The following FAM120B variants were observed in gnomAD, a reference collection of about 807,000 sequenced individuals.
FAM120B encodes constitutive coactivator of peroxisome proliferator-activated receptor gamma.
FAM120B carries 83 observed loss-of-function variants against 96.3 expected under a neutral mutation model. That is an observed-to-expected ratio of 0.86 (90% CI 0.72 to 1.03). The LOEUF is 1.03. Among genes scored for constraint, FAM120B ranks in the 50% least tolerant of loss-of-function variants. FAM120B has a pLI of 0.00. For missense variants in FAM120B, 1,027 were observed against 1,121.2 expected, an observed-to-expected ratio of 0.92 and a Z score of 1.20; for synonymous variants, 407 against 402.7, an observed-to-expected ratio of 1.01 and a Z score of -0.13.
At chr6:170,347,957 T>G (rs1787302488) in intron 4 of FAM120B, among the ~76,000 whole-genome samples, 194 bp from the exon 5 acceptor site, 2 of 152,208 alleles carry the variant, frequency 1.3e-5, no homozygotes, top group South Asian at 4.1e-4. Context: ...ATGTTTTCAT[T>G]GAAACGTACG....
intron 4 of FAM120B, among the ~76,000 whole-genome samples, chr6:170,342,133 C>G (rs1786880174): frequency 6.6e-6 from 1 of 152,106 alleles, no homozygotes; most frequent in African/African-American, 2.4e-5. Flanking sequence ...GAGGCCAAGC[C>G]CGTGTCTCCA....
At chr6:170,393,194 G>A (rs934011057) in intron 8 of FAM120B, among the ~76,000 whole-genome samples, 48 of 151,056 alleles carry the variant, frequency 3.2e-4, no homozygotes, top group African/African-American at 1.1e-3. Flanking sequence ...AGTCCTGCAG[G>A]GTTCCCTCTC....
chr6:170,329,776 C>T (rs1315038077), intron 3 of FAM120B, among the ~76,000 whole-genome samples: 1 of 152,050 alleles, frequency 6.6e-6, no homozygotes, highest in Non-Finnish European at 1.5e-5. Context: ...AAGGGGACAT[C>T]TCTCCACTTC....
At chr6:170,321,489 T>C (rs9356640) in intron 2 of FAM120B, among the ~76,000 whole-genome samples, 20,116 of 152,206 alleles carry the variant, frequency 0.13, 1,480 homozygotes, top group East Asian at 0.31. Flanking sequence ...GCAATTCTCC[T>C]GCCTCAGCCT....
intron 5 of FAM120B, among the ~76,000 whole-genome samples, chr6:170,356,989 C>T (rs1384968725): frequency 6.6e-6 from 1 of 152,190 alleles, no homozygotes; most frequent in Non-Finnish European, 1.5e-5. Flanking sequence ...TCAGCACCCC[C>T]ACCCTGGTGG....
intron 9 of FAM120B, among the ~76,000 whole-genome samples, chr6:170,400,570 C>G (rs2115344533): frequency 6.6e-6 from 1 of 152,284 alleles, no homozygotes; most frequent in Non-Finnish European, 1.5e-5. Context: ...TGCTCCCTGG[C>G]TTCTGATCAG....
chr6:170,385,025 A>G (rs1790112689), intron 6 of FAM120B, among the ~76,000 whole-genome samples: 1 of 152,214 alleles, frequency 6.6e-6, no homozygotes, highest in African/African-American at 2.4e-5. Flanking sequence ...TCCTGCACCC[A>G]AAAGCTATAG....
At chr6:170,355,852 A>G (rs192972542) in intron 5 of FAM120B, among the ~76,000 whole-genome samples, 32 of 152,372 alleles carry the variant, frequency 2.1e-4, no homozygotes, top group African/African-American at 6.0e-4. Flanking sequence ...ACGTTGAGTC[A>G]TAGTGGGACT....
At chr6:170,348,965 A>G (rs1230937511) in intron 5 of FAM120B, among the ~76,000 whole-genome samples, 1 of 152,218 alleles carries the variant, frequency 6.6e-6, no homozygotes, top group East Asian at 1.9e-4. Flanking sequence ...TCACTCGACA[A>G]GGTGGACTGT....
At chr6:170,340,964 T>G (rs1316643547) in intron 4 of FAM120B, among the ~76,000 whole-genome samples, 2 of 152,228 alleles carry the variant, frequency 1.3e-5, no homozygotes, top group Non-Finnish European at 2.9e-5. Flanking sequence ...GGCACGGGGA[T>G]GAGGGACCCA....
intron 6 of FAM120B, among the ~76,000 whole-genome samples, chr6:170,378,075 G>C (rs1244390732): frequency 6.6e-6 from 1 of 152,192 alleles, no homozygotes; most frequent in Non-Finnish European, 1.5e-5. Context: ...TCTTGGTTTA[G>C]AGTTTATATT....
rs1308340138 is a variant in FAM120B at position 170,316,052 on chromosome 6, C to T, written c.-21-1318C>T. 4.9e-5 allele frequency among the ~76,000 whole-genome samples: 4 copies of T among 82,072 alleles called. No homozygotes were observed. The Admixed American group carries it at 7.6e-4, about 16-fold the overall frequency. 53.8% of individuals were successfully genotyped at this position (82,072 alleles called of 152,430 possible). A position where few individuals can be genotyped will look rare whatever the true frequency, so the allele number is the denominator to read the frequency against. ...CCAGACGAGGCAACAGAGTGAGACC[C>T]GGTCTCAAAAAAAAAAAAAAAAAAA... On this transcript the variant is annotated intron_variant, in intron 1 of 10. Coordinates refer to ENST00000476287, the MANE Select transcript of FAM120B (RefSeq NM_032448.3).
chr6:170,300,351 G>C (rs1257937390), intron 1 of FAM120B, among the ~76,000 whole-genome samples: 1 of 152,144 alleles, frequency 6.6e-6, no homozygotes, highest in Non-Finnish European at 1.5e-5. Context: ...AACAGCATGA[G>C]GGTATCTGCC....
chr6:170,381,153 T>G lies in FAM120B; in HGVS notation c.2284-7134T>G, dbSNP rs149325709. 8.5e-5 allele frequency among the ~76,000 whole-genome samples: 13 copies of G among 152,314 alleles called. No individual in the cohort carries two copies. The East Asian group carries it at 2.1e-3, about 25-fold the overall frequency. ...ATTAGGAACCACTTATGCTCTGATG[T>G]GTTTGCCTGTCAAGAAGTAAGAAAA... is the stretch of plus-strand genomic sequence containing the variant. On this transcript the variant is annotated intron_variant, in intron 6 of 10. Transcript: ENST00000476287.
chr6:170,378,597 G>A (rs1244557845), intron 6 of FAM120B, among the ~76,000 whole-genome samples: 1 of 151,654 alleles, frequency 6.6e-6, no homozygotes, highest in African/African-American at 2.4e-5. Flanking sequence ...CTGCAGCCTA[G>A]AGGGGGAAGA....
intron 6 of FAM120B, among the ~76,000 whole-genome samples, chr6:170,379,489 C>T (rs908150164): frequency 6.6e-6 from 1 of 152,184 alleles, no homozygotes; most frequent in African/African-American, 2.4e-5. Flanking sequence ...ACCAGTTGAG[C>T]ATCTCTAATC....
At chr6:170,390,223 C>T (rs1360052015) in intron 7 of FAM120B, among the ~76,000 whole-genome samples, 1 of 152,152 alleles carries the variant, frequency 6.6e-6, no homozygotes, top group African/African-American at 2.4e-5. Context: ...TCCTCACATA[C>T]ACACACACAG....
intron 9 of FAM120B, 72 bp from the exon 10 acceptor site, chr6:170,404,478 T>C (rs1778731581): frequency 7.5e-7 from 1 of 1,324,940 alleles, no homozygotes; most frequent in Non-Finnish European, 1.1e-6. Flanking sequence ...TACTTAGAAA[T>C]GTGCAGCATT....
chr6:170,358,964 G>T (rs1788152641), intron 6 of FAM120B, among the ~76,000 whole-genome samples: 2 of 152,234 alleles, frequency 1.3e-5, no homozygotes, highest in South Asian at 4.1e-4. Flanking sequence ...GTCACCTGTG[G>T]ATGGAATCTT....
Sources: gnomAD v4.1 joint callset for allele counts (sites outside exome capture counted in the v4.1 genomes callset) on GRCh38, gnomAD v4.1.1 for gene constraint, MANE v1.5 for transcripts, NCBI Gene and HGNC (gene_info 2026-07-23, HGNC 2026-07-21) for gene names.